Variants in ZNF385D observed in about 807,000 individuals in gnomAD.
ZNF385D encodes zinc finger protein 385D.
Under a neutral mutation model 35.8 loss-of-function variants are expected in ZNF385D, and 15 were observed. That is an observed-to-expected ratio of 0.42 (90% CI 0.28 to 0.64). The LOEUF is 0.64. ZNF385D is among the 30% of genes least tolerant of loss of function. ZNF385D has a pLI of 0.23. For synonymous variants in ZNF385D, 212 were observed against 186.8 expected (o/e 1.13, Z -1.10); for missense variants, 474 against 494.6 (o/e 0.96, Z 0.39).
At position 21,465,615 on chromosome 3, in the gene ZNF385D, T is replaced by C. The variant is rs946736105; in HGVS notation, c.440-28412A>G. ...CCAGAATGTATTCGAGTTATGCATA[T>C]TTCCTGGCACTCTTGTCTCACATCT... On this transcript the variant is annotated intron_variant, in intron 4 of 7. Transcript: ENST00000281523. The surrounding 1 kb of genome is among the most constrained non-coding windows in gnomAD (Gnocchi z 4.2). 6.6e-6 allele frequency among the ~76,000 whole-genome samples: 1 copy of C among 152,336 alleles called. No individual in the cohort carries two copies. The highest frequency in any genetic ancestry group is 2.1e-4 in the South Asian group (1 of 4,830).
chr3:21,939,032 T>A (rs1030662633), intron 3 of ZNF385D, among the ~76,000 whole-genome samples: 2 of 152,172 alleles, frequency 1.3e-5, no homozygotes, highest in African/African-American at 2.4e-5. Flanking sequence ...GGATGTCACA[T>A]TGATGGGGCA....
At chr3:21,503,483 G>A (rs1484059623) in intron 4 of ZNF385D, among the ~76,000 whole-genome samples, 1 of 152,146 alleles carries the variant, frequency 6.6e-6, no homozygotes, top group Non-Finnish European at 1.5e-5. Flanking sequence ...AAAGGATATT[G>A]AGGTTGATTT....
At chr3:22,216,947 A>T (rs1697927267) in intron 2 of ZNF385D, among the ~76,000 whole-genome samples, 1 of 152,164 alleles carries the variant, frequency 6.6e-6, no homozygotes, top group Non-Finnish European at 1.5e-5. Context: ...CACTGGAGAG[A>T]GAAGTGCCTG....
chr3:21,628,731 A>G (rs1036118991), intron 2 of ZNF385D, among the ~76,000 whole-genome samples: 1 of 152,100 alleles, frequency 6.6e-6, no homozygotes, highest in African/African-American at 2.4e-5. Context: ...GGAAGGGGCC[A>G]GGGAATCTGA....
intron 3 of ZNF385D, among the ~76,000 whole-genome samples, chr3:21,781,780 CCAGA>C (rs1044533126): frequency 3.3e-5 from 5 of 151,836 alleles, no homozygotes; most frequent in Non-Finnish European, 7.4e-5. Flanking sequence ...CATCCCTTTA[CCAGA>C]CAAAGAAAAA....
intron 3 of ZNF385D, among the ~76,000 whole-genome samples, chr3:21,898,974 A>C (rs1699271801): frequency 1.3e-5 from 2 of 152,116 alleles, no homozygotes; most frequent in African/African-American, 4.8e-5. Flanking sequence ...CATTTTCCCC[A>C]TTACAAGCAA....
intron 3 of ZNF385D, among the ~76,000 whole-genome samples, chr3:21,544,660 G>C (rs13076165): frequency 5.8e-4 from 88 of 152,222 alleles, no homozygotes; most frequent in African/African-American, 2.0e-3. Flanking sequence ...AATACAATCA[G>C]AAGGTATTCT....
chr3:22,201,425 T>C (rs1696790894), intron 2 of ZNF385D, among the ~76,000 whole-genome samples: 1 of 152,170 alleles, frequency 6.6e-6, no homozygotes, highest in African/African-American at 2.4e-5. Flanking sequence ...TTTAAATATG[T>C]TTACATATAC....
intron 3 of ZNF385D, among the ~76,000 whole-genome samples, chr3:22,129,444 C>T (rs925439437): frequency 4.6e-5 from 7 of 152,100 alleles, no homozygotes; most frequent in African/African-American, 1.7e-4. Flanking sequence ...CAAGGTGGGT[C>T]TAAAAATGCC....
intron 3 of ZNF385D, among the ~76,000 whole-genome samples, chr3:21,538,625 G>T (rs1309340171): frequency 6.6e-6 from 1 of 151,978 alleles, no homozygotes; most frequent in East Asian, 1.9e-4. Context: ...TTTAGAAACT[G>T]GATCCCACCA....
At chr3:21,877,999 T>C (rs1170376929) in intron 3 of ZNF385D, 2 of 151,996 alleles carry the variant, frequency 1.3e-5, no homozygotes, top group African/African-American at 4.8e-5. Context: ...TAAGTGCTAT[T>C]TGTAAGTACC....
intron 3 of ZNF385D, among the ~76,000 whole-genome samples, chr3:22,025,951 G>T (rs1028221380): frequency 6.8e-6 from 1 of 146,782 alleles, no homozygotes; most frequent in Non-Finnish European, 1.5e-5. Context: ...AAGGTGGCAG[G>T]GGCCAAGTGG....
chr3:21,462,335 C>T (rs1035809043), intron 4 of ZNF385D, among the ~76,000 whole-genome samples: 16 of 152,046 alleles, frequency 1.1e-4, no homozygotes, highest in Admixed American at 5.2e-4. Flanking sequence ...AGTGAGTAAG[C>T]AGACATTCAT....
chr3:21,509,052 A>T (rs889502242), intron 4 of ZNF385D, among the ~76,000 whole-genome samples: 1 of 150,674 alleles, frequency 6.6e-6, no homozygotes, highest in Admixed American at 6.6e-5. Flanking sequence ...ATCTCGGCTC[A>T]CAGCAAGCTC....
intron 2 of ZNF385D, among the ~76,000 whole-genome samples, chr3:22,276,296 G>A (rs772609462): frequency 6.6e-6 from 1 of 152,086 alleles, no homozygotes; most frequent in Non-Finnish European, 1.5e-5. Context: ...TCTCCTGTAA[G>A]TCTGTCCTTT....
intron 3 of ZNF385D, among the ~76,000 whole-genome samples, chr3:22,154,780 T>C (rs1705481745): frequency 6.6e-6 from 1 of 152,188 alleles, no homozygotes. Context: ...GAGTAAGTAA[T>C]GCAGGAATAC....
intron 1 of ZNF385D, among the ~76,000 whole-genome samples, chr3:21,675,381 T>A (rs17618743): frequency 1.3e-5 from 2 of 151,958 alleles, no homozygotes; most frequent in South Asian, 4.1e-4. Flanking sequence ...CACTGGGTAC[T>A]GTACTGGGTC....
At chr3:21,881,250 C>A (rs1050397577) in intron 3 of ZNF385D, among the ~76,000 whole-genome samples, 1 of 151,912 alleles carries the variant, frequency 6.6e-6, no homozygotes, top group Non-Finnish European at 1.5e-5. Context: ...GAAGTTAGTG[C>A]CTGGCATCAA....
intron 4 of ZNF385D, among the ~76,000 whole-genome samples, chr3:21,457,849 C>T (rs1470981729): frequency 1.3e-5 from 2 of 152,074 alleles, no homozygotes; most frequent in Non-Finnish European, 2.9e-5. Context: ...CTTGTGTTTC[C>T]AAAGGCCAAC....
Sources: allele counts gnomAD v4.1 joint callset (sites outside exome capture counted in the v4.1 genomes callset), GRCh38; gene constraint gnomAD v4.1.1; non-coding constraint Gnocchi (gnomAD v3.1); transcripts MANE v1.5; gene names NCBI Gene and HGNC (gene_info 2026-07-23, HGNC 2026-07-21).